Variants in EPB41L3 observed in about 807,000 individuals in gnomAD.
The protein encoded by EPB41L3 is erythrocyte membrane protein band 4.1 like 3.
EPB41L3 carries 57 observed loss-of-function variants against 127.1 expected under a neutral mutation model. The observed-to-expected ratio is 0.45, with a 90% CI of 0.36 to 0.56. The LOEUF (loss-of-function observed/expected upper bound fraction) is 0.56, where lower values mean the gene tolerates loss of function less well. EPB41L3 is among the 20% of genes least tolerant of loss of function. EPB41L3 has a pLI of 0.00. For missense variants in EPB41L3, 1,273 were observed against 1,372.2 expected (o/e 0.93, Z 1.14); for synonymous variants, 572 against 549.5 (o/e 1.04, Z -0.57).
chr18:5,400,877 GTTA>G, intron 16 of EPB41L3: 1 of 793,290 alleles, frequency 1.3e-6, no homozygotes, highest in Non-Finnish European at 2.0e-6. Context: ...CAAGATAAAT[GTTA>G]AAGGGAAAAT....
At chr18:5,423,835 CTAAA>C (rs771221252) in intron 10 of EPB41L3, among the ~76,000 whole-genome samples, 1 of 152,142 alleles carries the variant, frequency 6.6e-6, no homozygotes, top group Non-Finnish European at 1.5e-5. Context: ...CAAACAGCTA[CTAAA>C]TAGTTTGATA....
intron 3 of EPB41L3, among the ~76,000 whole-genome samples, chr18:5,586,718 G>A (rs928909999): frequency 6.6e-5 from 10 of 151,966 alleles, no homozygotes; most frequent in African/African-American, 2.4e-4. Context: ...GTGATTTTCT[G>A]TGTGTGGTAT....
At chr18:5,540,617 C>T in intron 1 of EPB41L3, 1 of 915,508 alleles carries the variant, frequency 1.1e-6, no homozygotes, top group Non-Finnish European at 1.3e-6. Context: ...GCTAGCTAGC[C>T]GTTTGAAAGA....
intron 3 of EPB41L3, among the ~76,000 whole-genome samples, chr18:5,592,258 G>A (rs775798652): frequency 2.5e-4 from 38 of 152,036 alleles, no homozygotes; most frequent in Admixed American, 3.9e-4. Flanking sequence ...CCTCCACCTC[G>A]CGGGTTGAGG....
intron 1 of EPB41L3, among the ~76,000 whole-genome samples, chr18:5,525,078 T>C (rs1450022816): frequency 6.6e-6 from 1 of 152,220 alleles, no homozygotes; most frequent in Non-Finnish European, 1.5e-5. Flanking sequence ...ATGCCATATT[T>C]CAATTTATTC....
chr18:5,509,955 A>G (rs919583971), intron 1 of EPB41L3, among the ~76,000 whole-genome samples: 1 of 152,082 alleles, frequency 6.6e-6, no homozygotes, highest in Admixed American at 6.5e-5. Flanking sequence ...AAGAACCCAT[A>G]CTCCTAGAAC....
At chr18:5,428,558 T>C in intron 8 of EPB41L3, 93 bp from the exon 9 acceptor site, 1 of 1,450,564 alleles carries the variant, frequency 6.9e-7, no homozygotes, top group Non-Finnish European at 9.5e-7. Flanking sequence ...ACAGAAACTA[T>C]AAATGGCTGG....
chr18:5,604,652 C>T (rs2094629115), intron 3 of EPB41L3, among the ~76,000 whole-genome samples: 2 of 152,070 alleles, frequency 1.3e-5, no homozygotes, highest in African/African-American at 2.4e-5. Context: ...AGGGGTTTCA[C>T]CATGTTGGCC....
intron 3 of EPB41L3, among the ~76,000 whole-genome samples, chr18:5,609,930 C>T (rs370640018): frequency 2.6e-3 from 390 of 152,196 alleles, no homozygotes; most frequent in South Asian, 7.7e-3. Flanking sequence ...GATTCATCTT[C>T]GTTTCATTTG....
intron 3 of EPB41L3, among the ~76,000 whole-genome samples, chr18:5,456,570 T>C (rs1186132592): frequency 6.6e-6 from 1 of 152,214 alleles, no homozygotes; most frequent in Non-Finnish European, 1.5e-5. Flanking sequence ...GTATTTAAAG[T>C]CCAGTAGATA....
At chr18:5,532,160 T>C (rs971515303) in intron 1 of EPB41L3, among the ~76,000 whole-genome samples, 4 of 151,940 alleles carry the variant, frequency 2.6e-5, no homozygotes, top group African/African-American at 9.7e-5. Flanking sequence ...ATGTTAAACA[T>C]CCCCTAAATG....
At chr18:5,522,926 C>T (rs923101373) in intron 1 of EPB41L3, among the ~76,000 whole-genome samples, 2 of 151,896 alleles carry the variant, frequency 1.3e-5, no homozygotes, top group Non-Finnish European at 2.9e-5. Context: ...ACTTTTATTG[C>T]TAAAATTTTT....
At chr18:5,626,782 C>T (rs1324756749) in intron 1 of EPB41L3, among the ~76,000 whole-genome samples, 1 of 152,222 alleles carries the variant, frequency 6.6e-6, no homozygotes, top group Non-Finnish European at 1.5e-5. Context: ...ACTTAAAATC[C>T]TACAAAAATC....
chr18:5,609,391 A>G (rs952962368), intron 3 of EPB41L3, among the ~76,000 whole-genome samples: 1 of 152,152 alleles, frequency 6.6e-6, no homozygotes, highest in East Asian at 1.9e-4. Flanking sequence ...ATTTTTTTGT[A>G]TTCAAAATCT....
At chr18:5,564,856 G>T (rs1599002298) in intron 3 of EPB41L3, among the ~76,000 whole-genome samples, 1 of 152,180 alleles carries the variant, frequency 6.6e-6, no homozygotes, top group African/African-American at 2.4e-5. Context: ...TGGGTTGGGG[G>T]AGATACTGGA....
chr18:5,524,682 C>T (rs1218787862), intron 1 of EPB41L3, among the ~76,000 whole-genome samples: 1 of 152,218 alleles, frequency 6.6e-6, no homozygotes, highest in Non-Finnish European at 1.5e-5. Flanking sequence ...CCGGGCCAAG[C>T]AAGAAGGCCA....
At chr18:5,470,016 G>C (rs1043925979) in intron 3 of EPB41L3, among the ~76,000 whole-genome samples, 4 of 152,142 alleles carry the variant, frequency 2.6e-5, no homozygotes, top group African/African-American at 9.7e-5. Context: ...CTGACCTCGT[G>C]ATCTACCCGC....
Position 5,416,183 on chromosome 18 carries a change from C to T in EPB41L3, c.1702G>A (p.Asp568Asn), listed in dbSNP as rs1192127625. 1 of 1,614,094 alleles carries T rather than the reference C, an allele frequency of 6.2e-7. No individual in the cohort carries two copies. Among genetic ancestry groups the T allele is most frequent in the Admixed American group, 1.7e-5 (1 of 60,016 alleles). Reference protein sequence around the residue: ...SDGPGRPYLGDQDVAFSYRQQ... With the variant: ...SDGPGRPYLGNQDVAFSYRQQ... ...CTGTAGCTAAAAGCCACATCTTGAT[C>T]CCCTAGGTAAGGCCTCCCTGGGCCA... Residue 568 changes from aspartate to asparagine, a missense_variant, in exon 13 of 23, where the codon GAT becomes AAT. Physicochemically the swap from Asp to Asn is conservative, Grantham distance 23 (BLOSUM62 1). Around this residue, in one of 3 missense-constraint regions of EPB41L3, gnomAD observed 765 missense variants for 782.9 expected, o/e 0.98. Coordinates refer to ENST00000341928, the MANE Select transcript of EPB41L3 (RefSeq NM_012307.5).
At chr18:5,621,358 G>A (rs2094859681) in intron 1 of EPB41L3, among the ~76,000 whole-genome samples, 1 of 152,180 alleles carries the variant, frequency 6.6e-6, no homozygotes, top group Non-Finnish European at 1.5e-5. Context: ...AGTCAAAGAA[G>A]TACAGTTTTA....
Sources: allele counts gnomAD v4.1 joint callset (sites outside exome capture counted in the v4.1 genomes callset), GRCh38; gene constraint gnomAD v4.1.1; regional missense constraint gnomAD v4.1.1; transcripts MANE v1.5; gene names NCBI Gene and HGNC (gene_info 2026-07-23, HGNC 2026-07-21).